The following LRRC2 variants were observed in gnomAD, a reference collection of about 807,000 sequenced individuals.
LRRC2 encodes the protein leucine-rich repeat-containing protein 2.
LRRC2 carries 27 observed loss-of-function variants against 40.2 expected under a neutral mutation model. The ratio of observed to expected loss-of-function variants is 0.67; its 90% CI spans 0.49 to 0.93. LRRC2 has a LOEUF of 0.93. Among genes scored for constraint, LRRC2 ranks in the 40% least tolerant of loss-of-function variants. The pLI, the probability that LRRC2 is intolerant of heterozygous loss-of-function variation, is 0.00. For missense variants in LRRC2, 402 were observed against 439.6 expected (o/e 0.91, Z 0.76); for synonymous variants, 147 against 158.9 (o/e 0.92, Z 0.56).
At chr3:46,563,684 T>A (rs1308067147) in intron 1 of LRRC2, among the ~76,000 whole-genome samples, 2 of 152,256 alleles carry the variant, frequency 1.3e-5, no homozygotes, top group Admixed American at 6.5e-5. Flanking sequence ...CATTATATTT[T>A]GTCTGTCCAT....
chr3:46,552,677 C>G (rs1424196569), intron 1 of LRRC2, among the ~76,000 whole-genome samples: 1 of 152,110 alleles, frequency 6.6e-6, no homozygotes, highest in Non-Finnish European at 1.5e-5. Flanking sequence ...CCCCAATATC[C>G]CCAGCCCTCA....
rs1470294260 is a variant in LRRC2, at chr3:46,532,795, T to C, written c.605A>G (p.Glu202Gly). ...TACTTCAAAGGGCAGCTCCATTAAT[T>C]CTAGATTTCCAGAACAATCCAGTCT... ...LERLDCSGNL[E>G]LMELPFELSN... Residue 202 changes from glutamate to glycine, a missense_variant, in exon 5 of 9, where the codon GAA (glutamate) becomes GGA (glycine). By Grantham distance (98) the Glu-to-Gly change is moderately conservative. Coordinates refer to ENST00000395905, the MANE Select transcript of LRRC2 (RefSeq NM_024512.5). 1 of 1,613,816 alleles carries C rather than the reference T, an allele frequency of 6.2e-7. No individual in the cohort carries two copies. Among genetic ancestry groups the C allele is most frequent in the Non-Finnish European group, 8.5e-7 (1 of 1,179,842 alleles).
At chr3:46,557,781 C>A (rs1297007352) in intron 1 of LRRC2, 2 of 152,138 alleles carry the variant, frequency 1.3e-5, no homozygotes, top group Non-Finnish European at 2.9e-5. Context: ...TGCTGGGTAA[C>A]TAATAGGAGA....
Position 46,519,066 on chromosome 3 carries a change from G to C in LRRC2, c.1067-3C>G. ...GGTGGTATAGCTGGGAACAGATTCTGTAACAGAAAGAAAAAAGTATGCTCA... is the reference window on the plus strand; with the variant it reads ...GGTGGTATAGCTGGGAACAGATTCTCTAACAGAAAGAAAAAAGTATGCTCA... On this transcript the variant is annotated splice_region_variant and splice_polypyrimidine_tract_variant and intron_variant, in intron 8 of 8. Coordinates refer to ENST00000395905, the MANE Select transcript of LRRC2 (RefSeq NM_024512.5). The C allele has an allele frequency of 6.2e-7, 1 of 1,603,930 alleles. No individual in the cohort carries two copies. The highest frequency in any genetic ancestry group is 8.5e-7 in the Non-Finnish European group (1 of 1,171,110).
intron 5 of LRRC2, among the ~76,000 whole-genome samples, chr3:46,532,055 C>T (rs1287131790): frequency 6.6e-6 from 1 of 152,126 alleles, no homozygotes; most frequent in Non-Finnish European, 1.5e-5. Flanking sequence ...TAGTGGATTT[C>T]TTAAATCCTA....
At chr3:46,545,327 C>A in intron 2 of LRRC2, 74 bp from the exon 3 acceptor site, 2 of 1,312,734 alleles carry the variant, frequency 1.5e-6, no homozygotes, top group Non-Finnish European at 2.2e-6. Context: ...GTGAGTCAGC[C>A]ACCTGGGCAT....
chr3:46,542,421 C>T (rs1342811277), intron 3 of LRRC2, among the ~76,000 whole-genome samples: 1 of 150,928 alleles, frequency 6.6e-6, no homozygotes, highest in Non-Finnish European at 1.5e-5. Context: ...CACTTGAGTC[C>T]AGGAGATAGA....
intron 4 of LRRC2, among the ~76,000 whole-genome samples, chr3:46,534,440 CTT>C (rs1333672357): frequency 7.6e-6 from 1 of 130,824 alleles, no homozygotes; most frequent in African/African-American, 4.0e-5. Context: ...TTCTTTCTTT[CTT>C]TCTTTCTTTC....
chr3:46,556,267 G>A (rs1027579290), intron 1 of LRRC2, among the ~76,000 whole-genome samples: 3 of 151,942 alleles, frequency 2.0e-5, no homozygotes, highest in Non-Finnish European at 4.4e-5. Flanking sequence ...ACACAGGGAT[G>A]CACCACCATA....
At chr3:46,546,705 C>T (rs1389868088) in intron 2 of LRRC2, among the ~76,000 whole-genome samples, 1 of 146,812 alleles carries the variant, frequency 6.8e-6, no homozygotes, top group African/African-American at 2.5e-5. Context: ...CCAGAAACAC[C>T]AATTTGCTCC....
intron 1 of LRRC2, among the ~76,000 whole-genome samples, chr3:46,561,572 AGG>A (rs1186662090): frequency 1.3e-5 from 2 of 151,944 alleles, no homozygotes; most frequent in East Asian, 3.9e-4. Context: ...TGGCAGGGGA[AGG>A]GGCCGGGGAG....
chr3:46,538,174 C>T (rs559799469), intron 4 of LRRC2, among the ~76,000 whole-genome samples: 4 of 152,296 alleles, frequency 2.6e-5, no homozygotes, highest in South Asian at 2.1e-4. Context: ...CATAACTATG[C>T]GAAACCACTG....
rs532741677 is a variant in LRRC2, at chr3:46,565,196, G to C, written c.-20+981C>G. On this transcript the variant is annotated intron_variant, in intron 1 of 8. Coordinates refer to ENST00000395905, the MANE Select transcript of LRRC2 (RefSeq NM_024512.5). ...CAGGGGAGGCAGAGGGTCCAGACGG[G>C]ATTAAGAGGGCAATTCCAAGGCCAA... 2.0e-5 allele frequency among the ~76,000 whole-genome samples: 3 copies of C among 152,282 alleles called. 1 individual carries two copies. The East Asian group carries it at 5.8e-4, about 30-fold the overall frequency.
chr3:46,525,684 A>G (rs1467064643), intron 7 of LRRC2, among the ~76,000 whole-genome samples: 1 of 152,198 alleles, frequency 6.6e-6, no homozygotes, highest in East Asian at 1.9e-4. Context: ...AAATTCCATT[A>G]GAGTTATGAT....
rs567547477 is a variant in LRRC2, at chr3:46,560,641, G to A, written c.-20+5536C>T. Among the ~76,000 whole-genome samples the A allele has an allele frequency of 1.1e-3, 166 of 152,338 alleles. 5 individuals are homozygous for A. In the South Asian group the frequency reaches 0.025, roughly 23 times the overall value. On this transcript the variant is annotated intron_variant, in intron 1 of 8. Coordinates refer to ENST00000395905, the MANE Select transcript of LRRC2 (RefSeq NM_024512.5). ...GCCTGGACCCTCGTTGAATTTGACA[G>A]CAAAGTGTCATGGTTCCAAGACAGC... is the stretch of plus-strand genomic sequence containing the variant.
chr3:46,547,586 G>A (rs1314777319), intron 2 of LRRC2, among the ~76,000 whole-genome samples: 3 of 152,030 alleles, frequency 2.0e-5, no homozygotes, highest in African/African-American at 7.2e-5. Context: ...AGCCCTGGAA[G>A]TCGAGGCTGC....
At chr3:46,544,001 C>T (rs549163891) in intron 3 of LRRC2, among the ~76,000 whole-genome samples, 15 of 99,154 alleles carry the variant, frequency 1.5e-4, no homozygotes, top group African/African-American at 4.1e-4. Context: ...GCATTAGCAG[C>T]ATTTTACTGA....
At chr3:46,533,905 TTTTTTTTTAA>T (rs1704216106) in intron 4 of LRRC2, among the ~76,000 whole-genome samples, 1 of 150,470 alleles carries the variant, frequency 6.6e-6, no homozygotes, top group Admixed American at 6.7e-5. Context: ...TTTCTTTTCT[TTTTTTTTTAA>T]TTTTTTTTGT....
chr3:46,523,125 G>A (rs1015552488), intron 7 of LRRC2, among the ~76,000 whole-genome samples: 2 of 152,086 alleles, frequency 1.3e-5, no homozygotes, highest in African/African-American at 4.8e-5. Context: ...AATGTTTAAT[G>A]TAGATAGAAC....
Sources: gnomAD v4.1 joint callset for allele counts (sites outside exome capture counted in the v4.1 genomes callset) on GRCh38, gnomAD v4.1.1 for gene constraint, MANE v1.5 for transcripts, NCBI Gene and HGNC (gene_info 2026-07-23, HGNC 2026-07-21) for gene names.